Variants in MICAL2 observed in about 807,000 individuals in gnomAD.
MICAL2 encodes the protein [F-actin]-monooxygenase MICAL2.
A neutral mutation model predicts 127.3 loss-of-function variants in MICAL2; 77 were observed. That is an observed-to-expected ratio of 0.60 (90% CI 0.50 to 0.73). The LOEUF is 0.73. Among genes scored for constraint, MICAL2 ranks in the 30% least tolerant of loss-of-function variants. The pLI is 0.00. For synonymous variants in MICAL2, 570 were observed against 551.1 expected (o/e 1.03, Z -0.48); for missense variants, 1,351 against 1,434.4 (o/e 0.94, Z 0.94).
At chr11:12,319,851 G>A in intron 30 of MICAL2, 1 of 1,483,102 alleles carries the variant, frequency 6.7e-7, no homozygotes, top group South Asian at 1.1e-5. Context: ...CTTGGCTGGT[G>A]GGGGCTGCTT....
At chr11:12,326,229 G>C (rs1478749148) in intron 31 of MICAL2, among the ~76,000 whole-genome samples, 1 of 152,186 alleles carries the variant, frequency 6.6e-6, no homozygotes, top group African/African-American at 2.4e-5. Context: ...CAGGCATTCT[G>C]TCTGCCCAAA....
chr11:12,353,678 AC>A (rs1939088153), intron 33 of MICAL2, among the ~76,000 whole-genome samples: 1 of 151,940 alleles, frequency 6.6e-6, no homozygotes, highest in South Asian at 2.1e-4. Context: ...GTTCCATCTA[AC>A]CTTCCCTGAG....
At chr11:12,212,540 A>T (rs1473393017) in intron 6 of MICAL2, among the ~76,000 whole-genome samples, 2 of 151,874 alleles carry the variant, frequency 1.3e-5, no homozygotes, top group Non-Finnish European at 2.9e-5. Context: ...TCATTTATAC[A>T]TGCATTGTAG....
intron 3 of MICAL2, among the ~76,000 whole-genome samples, chr11:12,203,788 T>C (rs979846450): frequency 1.3e-5 from 2 of 152,210 alleles, no homozygotes; most frequent in Non-Finnish European, 2.9e-5. Context: ...ATTTTTTCTT[T>C]AGTTGTTTGT....
chr11:12,258,297 C>T (rs1215650062), intron 24 of MICAL2, among the ~76,000 whole-genome samples, 171 bp from the exon 25 acceptor site: 1 of 152,188 alleles, frequency 6.6e-6, no homozygotes, highest in Non-Finnish European at 1.5e-5. Flanking sequence ...TATCTCAGTG[C>T]CACTTCTTTA....
At chr11:12,249,659 C>A (rs1054450296) in intron 22 of MICAL2, among the ~76,000 whole-genome samples, 2 of 152,232 alleles carry the variant, frequency 1.3e-5, no homozygotes, top group Non-Finnish European at 2.9e-5. Context: ...CCTGTGAGCC[C>A]TCTCTTCTGA....
In MICAL2 at chr11:12,227,306, G is replaced by A. The variant is rs532709498; in HGVS notation, c.1995+175G>A. ...CTGAGTGTTTTTGGAAGTTCTTCCTGGCACTGTGTAGCTAGTTTCAATGAC... is the reference window on the plus strand; with the variant it reads ...CTGAGTGTTTTTGGAAGTTCTTCCTAGCACTGTGTAGCTAGTTTCAATGAC... On this transcript the variant is annotated intron_variant, in intron 15 of 27. Coordinates refer to ENST00000683283, the MANE Select transcript of MICAL2 (RefSeq NM_001282663.2). 35 of 573,852 alleles carry A rather than the reference G, an allele frequency of 6.1e-5. No individual in the cohort carries two copies. The South Asian group carries it at 6.9e-4, about 11-fold the overall frequency. 35.5% of individuals were successfully genotyped at this position (573,852 alleles called of 1,614,324 possible). A position where few individuals can be genotyped will look rare whatever the true frequency, so the allele number is the denominator to read the frequency against.
At chr11:12,328,481 C>T (rs1864379306) in intron 32 of MICAL2, among the ~76,000 whole-genome samples, 1 of 152,062 alleles carries the variant, frequency 6.6e-6, no homozygotes. Flanking sequence ...GGAACAGCAC[C>T]TGCAAAGGTC....
chr11:12,324,424 C>T (rs1041783759), intron 31 of MICAL2, among the ~76,000 whole-genome samples: 2 of 152,226 alleles, frequency 1.3e-5, no homozygotes, highest in Non-Finnish European at 2.9e-5. Flanking sequence ...AAATCTTCCA[C>T]CAACTCCCTG....
chr11:12,357,547 A>C (rs929607215), intron 34 of MICAL2, among the ~76,000 whole-genome samples: 6 of 152,154 alleles, frequency 3.9e-5, no homozygotes, highest in Non-Finnish European at 7.3e-5. Context: ...CTACACATGA[A>C]AAAGATTCTG....
At position 12,242,242 on chromosome 11, in the gene MICAL2, T is replaced by G. The variant is rs1860073224; in HGVS notation, c.2366T>G (p.Val789Gly). ...QFPSVVVTGH[V>G]LRELKQVSAG... ...CCCTCTGTGGTCGTGACGGGGCACG[T>G]GCTCAGAGAGCTCAAGCAAGTGTCT... The change falls in exon 19 of 28, where the codon GTG (valine) becomes GGG (glycine). Residue 789 changes from valine (V) to glycine (G), a missense_variant. Transcript: ENST00000683283. The G allele has an allele frequency of 6.2e-7, 1 of 1,612,540 alleles. No individual in the cohort carries two copies.
intron 3 of MICAL2, among the ~76,000 whole-genome samples, chr11:12,191,640 A>C (rs1459409695): frequency 6.6e-6 from 1 of 151,876 alleles, no homozygotes; most frequent in African/African-American, 2.4e-5. Context: ...GGTGGTGCAC[A>C]CCTGTAGTCC....
downstream of MICAL2, chr11:12,358,851 A>C (rs1939169724): frequency 6.4e-6 from 1 of 156,450 alleles, no homozygotes; most frequent in Non-Finnish European, 1.4e-5. Context: ...GATTTTTGAG[A>C]AGCTGCCTTT....
intron 22 of MICAL2, chr11:12,250,152 C>A (rs1486424177): frequency 6.6e-6 from 1 of 152,192 alleles, no homozygotes; most frequent in Admixed American, 6.5e-5. Context: ...AGGCAGGGAG[C>A]TCGTCCTGTG....
intron 19 of MICAL2, 72 bp downstream of exon 19, chr11:12,242,504 C>A: frequency 6.6e-7 from 1 of 1,517,790 alleles, no homozygotes; most frequent in Non-Finnish European, 9.0e-7. Flanking sequence ...CCTCCTCCTA[C>A]CCGGGTGGGT....
chr11:12,258,618 ATCC>A (rs1862655984), intron 25 of MICAL2, 62 bp downstream of exon 25: 1 of 1,493,826 alleles, frequency 6.7e-7, no homozygotes, highest in South Asian at 1.1e-5. Flanking sequence ...GTTTCCAGTG[ATCC>A]TCAAAGTTAG....
At chr11:12,159,506 AG>A (rs1472310228) in intron 2 of MICAL2, among the ~76,000 whole-genome samples, 3 of 152,226 alleles carry the variant, frequency 2.0e-5, no homozygotes, top group African/African-American at 7.2e-5. Context: ...CTACCCTGCA[AG>A]GATGAGATTA....
intron 1 of MICAL2, among the ~76,000 whole-genome samples, chr11:12,122,013 A>T (rs1375059491): frequency 6.6e-6 from 1 of 152,194 alleles, no homozygotes; most frequent in Non-Finnish European, 1.5e-5. Context: ...TTGTTCACTG[A>T]TTGATAAATT....
In MICAL2 at chr11:12,204,333, G is replaced by T; in HGVS notation, c.348G>T (p.Glu116Asp). Residue 116 changes from glutamate (E) to aspartate (D), a missense_variant, in exon 4 of 28, where the codon GAG becomes GAT. Coordinates refer to ENST00000683283, the MANE Select transcript of MICAL2 (RefSeq NM_001282663.2). The part of the protein sequence containing the change: ...AYLGAKVVVV[E>D]KRDSFSRNNV... ...TGGGAGCCAAAGTGGTCGTGGTGGA[G>T]AAGAGGGACTCCTTCTCCCGGAACA... The T allele has an allele frequency of 6.2e-7, 1 of 1,614,200 alleles. No individual in the cohort carries two copies.
Sources: gnomAD v4.1 joint callset for allele counts (sites outside exome capture counted in the v4.1 genomes callset) on GRCh38, gnomAD v4.1.1 for gene constraint, MANE v1.5 for transcripts, NCBI Gene and HGNC (gene_info 2026-07-23, HGNC 2026-07-21) for gene names.